Variants in ABCA4 observed in about 807,000 individuals in gnomAD.
ABCA4 encodes retinal-specific phospholipid-transporting ATPase ABCA4.
In ABCA4, 196 loss-of-function variants were observed where a neutral mutation model predicts 263.7. That is an observed-to-expected ratio of 0.74 (90% CI 0.66 to 0.84). The LOEUF is 0.84. Ranked by LOEUF, ABCA4 falls within the 40% of genes least tolerant of loss-of-function variation. The pLI, the probability that ABCA4 is intolerant of heterozygous loss-of-function variation, is 0.00. For missense variants in ABCA4, 2,792 were observed against 2,855.1 expected, an observed-to-expected ratio of 0.98 and a Z score of 0.50; for synonymous variants, 1,133 against 1,094.2, an observed-to-expected ratio of 1.04 and a Z score of -0.70.
At chr1:94,078,481 C>A in intron 10 of ABCA4, 109 bp downstream of exon 10, 1 of 882,530 alleles carries the variant, frequency 1.1e-6, no homozygotes, top group Non-Finnish European at 1.9e-6. Context: ...GTATTTTGAT[C>A]TAACTCCAAT....
intron 1 of ABCA4, among the ~76,000 whole-genome samples, chr1:94,116,537 CTG>C (rs1209143473): frequency 4.6e-5 from 7 of 151,982 alleles, no homozygotes; most frequent in Non-Finnish European, 1.0e-4. Flanking sequence ...TGTTCTAACT[CTG>C]TGAGAGTGTG....
chr1:94,017,663 TGTG>T (rs1659776835), intron 36 of ABCA4, among the ~76,000 whole-genome samples: 1 of 152,096 alleles, frequency 6.6e-6, no homozygotes, highest in African/African-American at 2.4e-5. Context: ...CAGTTTGTGT[TGTG>T]GTTGTATGGG....
intron 1 of ABCA4, among the ~76,000 whole-genome samples, chr1:94,113,525 G>A (rs1662668218): frequency 6.6e-6 from 1 of 152,220 alleles, no homozygotes; most frequent in South Asian, 2.1e-4. Context: ...AGAGGAGGCA[G>A]GTGACCTGTG....
At chr1:94,048,185 G>T (rs1385911664) in intron 18 of ABCA4, among the ~76,000 whole-genome samples, 1 of 152,240 alleles carries the variant, frequency 6.6e-6, no homozygotes, top group Non-Finnish European at 1.5e-5. Context: ...CTCCTGCCCT[G>T]TCAGGCAGAG....
chr1:94,119,724 C>A (rs1167811700), intron 1 of ABCA4, among the ~76,000 whole-genome samples: 5 of 152,160 alleles, frequency 3.3e-5, no homozygotes, highest in Non-Finnish European at 7.4e-5. Context: ...TTAGAGTTTC[C>A]TTTTACTCTC....
intron 11 of ABCA4, among the ~76,000 whole-genome samples, chr1:94,066,017 T>G (rs367612202): frequency 7.9e-5 from 12 of 152,370 alleles, no homozygotes; most frequent in Non-Finnish European, 1.6e-4. Context: ...TTAAATGAGA[T>G]GTAGGACTTA....
chr1:94,032,365 G>A (rs1263636440), intron 26 of ABCA4, among the ~76,000 whole-genome samples: 2 of 152,190 alleles, frequency 1.3e-5, no homozygotes, highest in East Asian at 1.9e-4. Flanking sequence ...GGCTGGGCAC[G>A]GAGGCTCACG....
intron 2 of ABCA4, among the ~76,000 whole-genome samples, chr1:94,112,363 A>G (rs1381582235): frequency 3.9e-5 from 6 of 152,220 alleles, no homozygotes; most frequent in African/African-American, 4.8e-5. Flanking sequence ...TCGAGAACTC[A>G]TCTACAAATC....
rs182523580 is a variant in ABCA4 at position 94,096,763 on chromosome 1, C to A, written c.768+2031G>T. On this transcript the variant is annotated intron_variant, in intron 6 of 49. Coordinates refer to ENST00000370225, the MANE Select transcript of ABCA4 (RefSeq NM_000350.3). The stretch of plus-strand genomic sequence containing the variant: ...ACATCCCAGAATCAATGGTCATGTC[C>A]TGGGAGGTAAATTTACCTATACTGG... Among the ~76,000 whole-genome samples the A allele has an allele frequency of 1.5e-4, 23 of 152,302 alleles. No individual in the cohort carries two copies. The East Asian group carries it at 4.4e-3, about 29-fold the overall frequency.
chr1:94,116,646 G>T (rs1278291647), intron 1 of ABCA4, among the ~76,000 whole-genome samples: 1 of 152,174 alleles, frequency 6.6e-6, no homozygotes, highest in African/African-American at 2.4e-5. Flanking sequence ...TGACAGGTCT[G>T]GTTTTCACAA....
chr1:94,074,807 C>A (rs1442895409), intron 11 of ABCA4, among the ~76,000 whole-genome samples: 2 of 152,180 alleles, frequency 1.3e-5, no homozygotes, highest in African/African-American at 2.4e-5. Flanking sequence ...ACAATTTGAC[C>A]AGGCAATCCC....
At position 94,029,448 on chromosome 1, in the gene ABCA4, G is replaced by T. The variant is rs764982444; in HGVS notation, c.4536C>A (p.Pro1512=). 4 of 1,550,424 alleles carry T rather than the reference G, an allele frequency of 2.6e-6. No homozygotes were observed. The highest frequency in any genetic ancestry group is 1.4e-5 in the African/African-American group (1 of 73,360). The part of the protein sequence containing the change: ...CPEGAGGLPP[P]QRTQRSTEIL... ...CCGTTGTTTGGAGGTCAGGTACCTG[G>T]GGGGGCGGGAGGCCCCCGGCACCCT... Residue 1512 remains proline, a synonymous_variant, in exon 30 of 50, where the codon CCC becomes CCA. Transcript: ENST00000370225.
intron 24 of ABCA4, among the ~76,000 whole-genome samples, chr1:94,037,668 C>A (rs1009057489): frequency 4.6e-5 from 7 of 152,190 alleles, no homozygotes; most frequent in African/African-American, 1.7e-4. Context: ...ACGAAATGCT[C>A]TGTCCCCTCA....
intron 16 of ABCA4, among the ~76,000 whole-genome samples, chr1:94,052,646 T>C (rs2101064619): frequency 6.6e-6 from 1 of 152,348 alleles, no homozygotes; most frequent in Non-Finnish European, 1.5e-5. Flanking sequence ...TTTCCAACAA[T>C]CTAGTAGGAT....
At chr1:94,069,937 A>G (rs1661362042) in intron 11 of ABCA4, among the ~76,000 whole-genome samples, 1 of 152,214 alleles carries the variant, frequency 6.6e-6, no homozygotes, top group Non-Finnish European at 1.5e-5. Flanking sequence ...CAATAATGAA[A>G]CAAATAAAAA....
intron 11 of ABCA4, among the ~76,000 whole-genome samples, chr1:94,072,576 C>A (rs1237139532): frequency 6.6e-6 from 1 of 152,098 alleles, no homozygotes. Context: ...TCTAATTGAG[C>A]TTTTCTCCAG....
At chr1:94,002,131 C>G (rs1659207644) in intron 44 of ABCA4, 139 bp from the exon 45 acceptor site, 1 of 1,338,144 alleles carries the variant, frequency 7.5e-7, no homozygotes, top group Admixed American at 1.9e-5. Flanking sequence ...CCTGCTGGCT[C>G]CTGTCCTCTG....
rs886044763 is a variant in ABCA4, at chr1:93,997,943, G to A, written c.6647C>T (p.Ala2216Val). The change falls in exon 48 of 50, where the codon GCG becomes GTG. Residue 2216 changes from alanine (A) to valine (V), a missense_variant. Ala to Val is a moderately conservative substitution (Grantham distance 64). Coordinates refer to ENST00000370225, the MANE Select transcript of ABCA4 (RefSeq NM_000350.3). Reference protein sequence around the residue: ...LQFQVSSSSLARIFQLLLSHK... With the variant: ...LQFQVSSSSLVRIFQLLLSHK... ...GGAGAGGAGGAGCTGGAAGATCCTC[G>A]CCAGGGAGGAGGAGGAGACCTGGAA... 2.2e-5 allele frequency: 36 copies of A among 1,613,942 alleles called. No individual in the cohort carries two copies. Among genetic ancestry groups the A allele is most frequent in the African/African-American group, 2.7e-5 (2 of 74,892 alleles).
At chr1:94,014,236 G>A in intron 38 of ABCA4, among the ~76,000 whole-genome samples, 1 of 151,010 alleles carries the variant, frequency 6.6e-6, no homozygotes, top group Non-Finnish European at 1.5e-5. Flanking sequence ...AGGATGAAAG[G>A]AAAAAGGGAG....
Sources: allele counts gnomAD v4.1 joint callset (sites outside exome capture counted in the v4.1 genomes callset), GRCh38; gene constraint gnomAD v4.1.1; transcripts MANE v1.5; gene names NCBI Gene and HGNC (gene_info 2026-07-23, HGNC 2026-07-21).